SEMA3A: variants seen among roughly 807,000 people sequenced by gnomAD.
SEMA3A encodes the protein semaphorin-3A.
In SEMA3A, 29 loss-of-function variants were observed where a neutral mutation model predicts 97.9. The ratio of observed to expected loss-of-function variants is 0.30; its 90% CI spans 0.22 to 0.40. The LOEUF (loss-of-function observed/expected upper bound fraction) is 0.40, where lower values mean the gene tolerates loss of function less well. Ranked by LOEUF, SEMA3A falls within the 10% of genes least tolerant of loss-of-function variation. The pLI, the probability that SEMA3A is intolerant of heterozygous loss-of-function variation, is 1.00. For missense variants in SEMA3A, 763 were observed against 951.3 expected (o/e 0.80, Z 2.60); for synonymous variants, 321 against 323.7 (o/e 0.99, Z 0.09).
upstream of SEMA3A, among the ~76,000 whole-genome samples, chr7:84,198,571 T>G (rs901362258): frequency 6.6e-6 from 1 of 152,350 alleles, no homozygotes; most frequent in African/African-American, 2.4e-5. Context: ...TTTCTTCCTC[T>G]AAGTAGCCTA....
intron 1 of SEMA3A, among the ~76,000 whole-genome samples, chr7:84,140,321 G>A (rs955961024): frequency 6.6e-6 from 1 of 152,100 alleles, no homozygotes; most frequent in Non-Finnish European, 1.5e-5. Flanking sequence ...CAGATTTCTG[G>A]TTTGCAAGAG....
At chr7:84,313,799 T>A (rs1014871058) in intron 2 of SEMA3A, among the ~76,000 whole-genome samples, 1 of 151,990 alleles carries the variant, frequency 6.6e-6, no homozygotes, top group African/African-American at 2.4e-5. Context: ...TGTTTTGTAA[T>A]TCTGTGAAAA....
chr7:84,296,333 C>T (rs1363361134), intron 3 of SEMA3A, among the ~76,000 whole-genome samples: 1 of 152,070 alleles, frequency 6.6e-6, no homozygotes, highest in Non-Finnish European at 1.5e-5. Context: ...CACATGTGTA[C>T]CCTCTTTGTA....
At chr7:84,373,300 C>T (rs900855148) in intron 1 of SEMA3A, among the ~76,000 whole-genome samples, 1 of 152,156 alleles carries the variant, frequency 6.6e-6, no homozygotes, top group Non-Finnish European at 1.5e-5. Flanking sequence ...TGAATAGAAT[C>T]ATTTTTGAAA....
chr7:84,195,433 G>T (rs1798201223), upstream of SEMA3A: 1 of 151,904 alleles, frequency 6.6e-6, no homozygotes, highest in Non-Finnish European at 1.5e-5. Flanking sequence ...GTGTGTGTGT[G>T]TGTGTGTGTG....
chr7:84,407,676 G>A (rs1804136237), intron 1 of SEMA3A, among the ~76,000 whole-genome samples: 2 of 152,030 alleles, frequency 1.3e-5, no homozygotes, highest in East Asian at 3.9e-4. Context: ...AAACAGCATG[G>A]TACTGGTACC....
chr7:84,373,067 C>T (rs1406712420), intron 1 of SEMA3A, among the ~76,000 whole-genome samples: 1 of 152,174 alleles, frequency 6.6e-6, no homozygotes, highest in Admixed American at 6.6e-5. Flanking sequence ...CATACCTGGG[C>T]TAACCCACTG....
chr7:84,063,547 G>C (rs1793345508), intron 4 of SEMA3A, among the ~76,000 whole-genome samples: 1 of 150,110 alleles, frequency 6.7e-6, no homozygotes. Context: ...TGTATAACTA[G>C]AATAACCAAT....
At chr7:84,086,437 A>C (rs1794345098) in intron 4 of SEMA3A, among the ~76,000 whole-genome samples, 1 of 141,774 alleles carries the variant, frequency 7.1e-6, no homozygotes. Flanking sequence ...TATTATATTT[A>C]TATTTTATAT....
At chr7:84,207,255 A>C (rs1798515446) in intron 3 of SEMA3A, among the ~76,000 whole-genome samples, 1 of 152,160 alleles carries the variant, frequency 6.6e-6, no homozygotes, top group South Asian at 2.1e-4. Flanking sequence ...TTACTTCCTG[A>C]CTATTGTCAT....
intron 2 of SEMA3A, among the ~76,000 whole-genome samples, chr7:84,363,223 G>A (rs1271303663): frequency 6.6e-6 from 1 of 151,934 alleles, no homozygotes; most frequent in East Asian, 1.9e-4. Context: ...TTGGAGAACA[G>A]CTATTCTGGA....
intron 12 of SEMA3A, among the ~76,000 whole-genome samples, chr7:83,986,029 T>TA (rs1339258547): frequency 7.9e-5 from 12 of 152,350 alleles, no homozygotes; most frequent in Admixed American, 2.6e-4. Context: ...TTCATGTTTT[T>TA]ATCTGTGTTT....
chr7:84,062,731 T>C (rs1057381942), intron 4 of SEMA3A, among the ~76,000 whole-genome samples: 3 of 152,082 alleles, frequency 2.0e-5, no homozygotes, highest in Admixed American at 6.5e-5. Flanking sequence ...AAACGGCGCA[T>C]CACGAGATTA....
chr7:83,967,642 C>G (rs950352220), intron 15 of SEMA3A, among the ~76,000 whole-genome samples: 3 of 152,006 alleles, frequency 2.0e-5, no homozygotes, highest in Non-Finnish European at 4.4e-5. Context: ...ACAATCCCAG[C>G]TACTCTGGAG....
At chr7:84,255,751 G>T (rs561955745) in intron 3 of SEMA3A, among the ~76,000 whole-genome samples, 1 of 151,698 alleles carries the variant, frequency 6.6e-6, no homozygotes, top group Non-Finnish European at 1.5e-5. Context: ...AGATTAGTAG[G>T]CATACCAAAA....
chr7:84,441,900 CA>C (rs1323924170), intron 1 of SEMA3A, among the ~76,000 whole-genome samples: 1 of 152,012 alleles, frequency 6.6e-6, no homozygotes, highest in Non-Finnish European at 1.5e-5. Context: ...AAAAAACAAA[CA>C]AAACAAAACA....
chr7:84,453,087 C>A (rs952974274), intron 1 of SEMA3A, among the ~76,000 whole-genome samples: 3 of 151,394 alleles, frequency 2.0e-5, no homozygotes, highest in Non-Finnish European at 4.4e-5. Flanking sequence ...TTTGTCTCAA[C>A]TTTATCAAAC....
chr7:84,455,407 A>T (rs1805664756), intron 1 of SEMA3A, among the ~76,000 whole-genome samples: 1 of 151,994 alleles, frequency 6.6e-6, no homozygotes, highest in Admixed American at 6.5e-5. Flanking sequence ...TTGAACAATA[A>T]TATTTAAAAG....
In SEMA3A at chr7:84,134,282, T is replaced by C. The variant is rs976993086; in HGVS notation, c.270+512A>G. ...GACCAGTTGATACCCTTTGTAACTATTGAATTCTGCTGTTGTAGCACAAAA... is the reference window on the plus strand; with the variant it reads ...GACCAGTTGATACCCTTTGTAACTACTGAATTCTGCTGTTGTAGCACAAAA... On this transcript the variant is annotated intron_variant, in intron 2 of 16. Transcript: ENST00000265362. Among the ~76,000 whole-genome samples, 61 of 152,302 alleles carry C rather than the reference T, an allele frequency of 4.0e-4. 1 individual carries two copies. The highest frequency in any genetic ancestry group is 6.2e-4 in the South Asian group (3 of 4,830).
Sources: allele counts gnomAD v4.1 joint callset (sites outside exome capture counted in the v4.1 genomes callset), GRCh38; gene constraint gnomAD v4.1.1; transcripts MANE v1.5; gene names NCBI Gene and HGNC (gene_info 2026-07-23, HGNC 2026-07-21).